The following CTNND2 variants were observed in gnomAD, a reference collection of about 807,000 sequenced individuals.
CTNND2 encodes the protein catenin delta-2.
In CTNND2, 22 loss-of-function variants were observed where a neutral mutation model predicts 144.4. The observed-to-expected ratio is 0.15, with a 90% CI of 0.11 to 0.22. The LOEUF is 0.22. Ranked by LOEUF, CTNND2 falls within the 10% of genes least tolerant of loss-of-function variation. The pLI is 1.00. For synonymous variants in CTNND2, 751 were observed against 695.6 expected, an observed-to-expected ratio of 1.08 and a Z score of -1.25; for missense variants, 1,353 against 1,618.8, an observed-to-expected ratio of 0.84 and a Z score of 2.82.
chr5:11,002,609 C>T (rs1385685001), intron 18 of CTNND2, among the ~76,000 whole-genome samples: 5 of 152,064 alleles, frequency 3.3e-5, no homozygotes, highest in Non-Finnish European at 7.4e-5. Flanking sequence ...GGCTAAATAC[C>T]AAATCCTCAT....
intron 11 of CTNND2, among the ~76,000 whole-genome samples, chr5:11,163,648 C>T (rs774411777): frequency 6.6e-6 from 1 of 152,158 alleles, no homozygotes. Flanking sequence ...TTCCCTCTCG[C>T]CTTCCCAGGA....
chr5:11,291,042 A>C (rs1231568363), intron 9 of CTNND2, among the ~76,000 whole-genome samples: 1 of 152,070 alleles, frequency 6.6e-6, no homozygotes, highest in Non-Finnish European at 1.5e-5. Flanking sequence ...AGAGAAGTGA[A>C]GAGAAGTGAT....
Position 11,558,341 on chromosome 5 carries a change from C to CACGTGTGTGTGT in CTNND2, c.287+6602_287+6603insACACACACACGT, listed in dbSNP as rs1554083650. Among the ~76,000 whole-genome samples the CACGTGTGTGTGT allele has an allele frequency of 8.0e-3, 1,055 of 132,164 alleles. 11 individuals are homozygous for CACGTGTGTGTGT. Among genetic ancestry groups the CACGTGTGTGTGT allele is most frequent in the Admixed American group, 0.032 (417 of 12,922 alleles). The allele number at this position is 132,164 out of a possible 152,430, so 86.7% of individuals were successfully genotyped here. On this transcript the variant is annotated intron_variant, in intron 3 of 21. Transcript: ENST00000304623. ...GGTAATACTTTGGCTGTGAGAAACACGTGTGTGTGTGTGTGTGTGTGTGTG... is the reference window on the plus strand; with the variant it reads ...GGTAATACTTTGGCTGTGAGAAACACACGTGTGTGTGTGTGTGTGTGTGTGTGTGTGTGTGTG...
At chr5:11,565,501 T>C (rs182672876) in intron 2 of CTNND2, among the ~76,000 whole-genome samples, 4 of 152,358 alleles carry the variant, frequency 2.6e-5, no homozygotes, top group Admixed American at 2.0e-4. Flanking sequence ...GCCAACTCTA[T>C]AGTGTTTACT....
chr5:11,096,633 G>A (rs2149662771), intron 15 of CTNND2, among the ~76,000 whole-genome samples: 1 of 152,278 alleles, frequency 6.6e-6, no homozygotes, highest in Non-Finnish European at 1.5e-5. Flanking sequence ...TTGAAAGGTT[G>A]AAGTCTTACA....
intron 2 of CTNND2, among the ~76,000 whole-genome samples, chr5:11,695,441 T>TC (rs1785099469): frequency 6.6e-6 from 1 of 152,180 alleles, no homozygotes; most frequent in Non-Finnish European, 1.5e-5. Flanking sequence ...GTTGAATTAT[T>TC]CTCTACAGAA....
chr5:11,212,801 G>A (rs760365813), intron 10 of CTNND2, among the ~76,000 whole-genome samples: 8 of 152,172 alleles, frequency 5.3e-5, no homozygotes, highest in East Asian at 3.9e-4. Context: ...GGGCCTGCAC[G>A]GAGCCCCTCC....
chr5:11,028,682 T>A (rs1220266770), intron 16 of CTNND2, among the ~76,000 whole-genome samples: 1 of 152,228 alleles, frequency 6.6e-6, no homozygotes, highest in African/African-American at 2.4e-5. Flanking sequence ...GGTTCATCCA[T>A]GTTGTAGCAT....
intron 15 of CTNND2, among the ~76,000 whole-genome samples, chr5:11,088,119 AGATGT>A: frequency 6.6e-6 from 1 of 152,228 alleles, no homozygotes; most frequent in African/African-American, 2.4e-5. Flanking sequence ...CAAATATTAG[AGATGT>A]CATCCTTGTG....
At chr5:11,346,921 G>A (rs903189498) in intron 8 of CTNND2, among the ~76,000 whole-genome samples, 1 of 139,332 alleles carries the variant, frequency 7.2e-6, no homozygotes, top group Non-Finnish European at 1.6e-5. Flanking sequence ...TAAACTTTGT[G>A]CATAAGAAGA....
At chr5:11,283,705 A>AAAAAAAAAGAG (rs1242454528) in intron 9 of CTNND2, among the ~76,000 whole-genome samples, 2 of 123,332 alleles carry the variant, frequency 1.6e-5, no homozygotes, top group Non-Finnish European at 3.3e-5. Context: ...AAAAAAAAAA[A>AAAAAAAAAGAG]AGAGAGAGAC....
intron 3 of CTNND2, among the ~76,000 whole-genome samples, chr5:11,551,489 T>G (rs1428137311): frequency 6.9e-6 from 1 of 145,260 alleles, no homozygotes; most frequent in Non-Finnish European, 1.5e-5. Context: ...CAGGCTGGAG[T>G]GCAGTGGTGT....
intron 2 of CTNND2, among the ~76,000 whole-genome samples, chr5:11,651,628 G>C (rs114595645): frequency 2.1e-3 from 315 of 152,358 alleles, no homozygotes; most frequent in Middle Eastern, 6.8e-3. Flanking sequence ...AACCTGCAAA[G>C]CCACAGGGGT....
At chr5:11,512,146 A>G (rs559169680) in intron 3 of CTNND2, among the ~76,000 whole-genome samples, 75 of 152,304 alleles carry the variant, frequency 4.9e-4, no homozygotes, top group African/African-American at 1.7e-3. Context: ...TGGGCCCCAC[A>G]CTGAGAAGAA....
chr5:11,186,703 C>G (rs760804385), intron 11 of CTNND2, among the ~76,000 whole-genome samples: 2 of 152,134 alleles, frequency 1.3e-5, no homozygotes, highest in African/African-American at 2.4e-5. Context: ...GAGGGTATTG[C>G]TAAATGTGTG....
At chr5:11,430,262 A>G (rs1763165356) in intron 3 of CTNND2, among the ~76,000 whole-genome samples, 2 of 149,098 alleles carry the variant, frequency 1.3e-5, no homozygotes, top group South Asian at 2.1e-4. Context: ...AAAAAAAAAA[A>G]AAAAAAAAGG....
In CTNND2 at chr5:11,384,819, G is replaced by A; in HGVS notation, c.1023C>T (p.Ile341=). ...VTSPPTVQST[I]SSSPIHQLSS... ...TCAGCTGGTGGATGGGCGAGGAGGA[G>A]ATGGTGGACTGCACGGTGGGGGGCG... The change falls in exon 7 of 22, where the codon ATC becomes ATT. Residue 341 remains isoleucine, a synonymous_variant. Transcript: ENST00000304623. The surrounding 1 kb of genome is among the most constrained non-coding windows in gnomAD (Gnocchi z 5.2). 1.2e-6 allele frequency: 2 copies of A among 1,613,336 alleles called. No individual in the cohort carries two copies. Among genetic ancestry groups the A allele is most frequent in the Non-Finnish European group, 1.7e-6 (2 of 1,179,746 alleles).
At chr5:11,679,417 A>C (rs905097471) in intron 2 of CTNND2, among the ~76,000 whole-genome samples, 1 of 152,232 alleles carries the variant, frequency 6.6e-6, no homozygotes, top group Non-Finnish European at 1.5e-5. Flanking sequence ...GCTGTAATTC[A>C]TTGAAGTCTC....
intron 21 of CTNND2, among the ~76,000 whole-genome samples, chr5:10,975,384 A>G (rs1344372560): frequency 1.3e-5 from 2 of 152,156 alleles, no homozygotes; most frequent in African/African-American, 4.8e-5. Context: ...GTAGTCATAA[A>G]TATTTATGTG....
Sources: allele counts gnomAD v4.1 joint callset (sites outside exome capture counted in the v4.1 genomes callset), GRCh38; gene constraint gnomAD v4.1.1; non-coding constraint Gnocchi (gnomAD v3.1); transcripts MANE v1.5; gene names NCBI Gene and HGNC (gene_info 2026-07-23, HGNC 2026-07-21).